RPS6KC1: variants seen among roughly 807,000 people sequenced by gnomAD.
RPS6KC1 encodes the protein inactive ribosomal protein S6 kinase delta-1.
Under a neutral mutation model 103.8 loss-of-function variants are expected in RPS6KC1, and 54 were observed. That is an observed-to-expected ratio of 0.52 (90% confidence interval 0.42 to 0.65). The LOEUF (loss-of-function observed/expected upper bound fraction) is 0.65, where lower values mean the gene tolerates loss of function less well. Among genes scored for constraint, RPS6KC1 ranks in the 30% least tolerant of loss-of-function variants. The probability of loss-of-function intolerance (pLI) is 0.00; values close to 1 mark genes in which losing one functional copy is unlikely to be tolerated. For synonymous variants in RPS6KC1, 439 were observed against 438.7 expected, an observed-to-expected ratio of 1.00 and a Z score of -0.01; for missense variants, 1,151 against 1,253.8, an observed-to-expected ratio of 0.92 and a Z score of 1.24.
At chr1:213,366,752 T>C in the RPS6KC1 span, among the ~76,000 whole-genome samples, 1 of 152,230 alleles carries the variant, frequency 6.6e-6, no homozygotes, top group Non-Finnish European at 1.5e-5. Flanking sequence ...TCTGGGAAAT[T>C]GTCCACCTTG....
intron 2 of RPS6KC1, chr1:213,072,977 G>A (rs1175125135): frequency 3.4e-6 from 3 of 871,164 alleles, no homozygotes; most frequent in Non-Finnish European, 4.1e-6. Flanking sequence ...CCATTCATCT[G>A]AAAACTCTTG....
the RPS6KC1 span, among the ~76,000 whole-genome samples, chr1:213,284,094 G>T: frequency 6.6e-6 from 1 of 151,984 alleles, no homozygotes; most frequent in Non-Finnish European, 1.5e-5. Context: ...TGAGCTGAAA[G>T]ATATTTTAAA....
chr1:213,698,897 G>A, the RPS6KC1 span, among the ~76,000 whole-genome samples: 12 of 151,344 alleles, frequency 7.9e-5, no homozygotes, highest in Non-Finnish European at 1.8e-4. Context: ...GTTTTCCCCA[G>A]TCTAGATAAT....
the RPS6KC1 span, among the ~76,000 whole-genome samples, chr1:213,644,101 G>A: frequency 2.4e-4 from 37 of 151,914 alleles, no homozygotes; most frequent in Non-Finnish European, 4.4e-4. Context: ...GTATTGATGT[G>A]GGATTTTCCC....
At chr1:213,803,091 CTT>C in the RPS6KC1 span, among the ~76,000 whole-genome samples, 1 of 152,084 alleles carries the variant, frequency 6.6e-6, no homozygotes. Flanking sequence ...AAATCAGAGT[CTT>C]AGTAATTGCC....
At chr1:213,254,544 G>A (rs1409426683) in intron 12 of RPS6KC1, among the ~76,000 whole-genome samples, 1 of 152,224 alleles carries the variant, frequency 6.6e-6, no homozygotes, top group Non-Finnish European at 1.5e-5. Flanking sequence ...AGGCTCATGA[G>A]TGCTTTTGAA....
intron 12 of RPS6KC1, among the ~76,000 whole-genome samples, chr1:213,249,140 C>T (rs1362740951): frequency 3.3e-5 from 5 of 151,990 alleles, no homozygotes; most frequent in East Asian, 3.8e-4. Context: ...TTTTATTTTT[C>T]GTATCTCAGT....
the RPS6KC1 span, among the ~76,000 whole-genome samples, chr1:213,706,694 C>A: frequency 6.6e-6 from 1 of 152,216 alleles, no homozygotes; most frequent in Admixed American, 6.5e-5. Flanking sequence ...GCTATTCCTC[C>A]CCTTGCCCCC....
the RPS6KC1 span, among the ~76,000 whole-genome samples, chr1:213,557,249 G>A: frequency 6.6e-6 from 1 of 152,180 alleles, no homozygotes; most frequent in African/African-American, 2.4e-5. Flanking sequence ...CCACTTTCTA[G>A]TGTATGCTCT....
chr1:213,565,711 T>C, the RPS6KC1 span, among the ~76,000 whole-genome samples: 3 of 152,312 alleles, frequency 2.0e-5, no homozygotes, highest in Non-Finnish European at 2.9e-5. Context: ...CACTTATTAT[T>C]TGTATATTTC....
At chr1:213,608,056 T>C in the RPS6KC1 span, among the ~76,000 whole-genome samples, 12 of 152,194 alleles carry the variant, frequency 7.9e-5, no homozygotes, top group African/African-American at 2.9e-4. Flanking sequence ...GCAGGACATG[T>C]TGCCTTTGGA....
At chr1:213,213,256 G>C (rs971106098) in intron 8 of RPS6KC1, among the ~76,000 whole-genome samples, 2 of 152,134 alleles carry the variant, frequency 1.3e-5, no homozygotes, top group African/African-American at 4.8e-5. Context: ...AAGGGTGTAA[G>C]GTCTGTTCTA....
At chr1:213,838,034 G>A in the RPS6KC1 span, among the ~76,000 whole-genome samples, 2 of 151,906 alleles carry the variant, frequency 1.3e-5, no homozygotes, top group East Asian at 1.9e-4. Context: ...AGCACCATTT[G>A]TACAAATGAC....
the RPS6KC1 span, among the ~76,000 whole-genome samples, chr1:213,450,865 C>A: frequency 2.0e-5 from 3 of 152,100 alleles, no homozygotes; most frequent in African/African-American, 7.2e-5. Context: ...ATTCCAGCTA[C>A]TGGTGAGGCT....
the RPS6KC1 span, among the ~76,000 whole-genome samples, chr1:213,299,551 C>CAAAAA: frequency 9.5e-6 from 1 of 105,244 alleles, no homozygotes; most frequent in Non-Finnish European, 1.8e-5. Context: ...GACTCCATCT[C>CAAAAA]AAAAAAAAAA....
At chr1:213,756,241 A>C in the RPS6KC1 span, among the ~76,000 whole-genome samples, 1 of 152,222 alleles carries the variant, frequency 6.6e-6, no homozygotes, top group Non-Finnish European at 1.5e-5. Context: ...AGAGCAAAAG[A>C]CCATGTGCCC....
the RPS6KC1 span, among the ~76,000 whole-genome samples, chr1:213,384,917 G>A: frequency 1.3e-5 from 2 of 152,296 alleles, no homozygotes; most frequent in Admixed American, 1.3e-4. Flanking sequence ...CTGGTGCAGG[G>A]ATTTTAAACC....
chr1:213,510,071 G>T, the RPS6KC1 span, among the ~76,000 whole-genome samples: 1 of 152,126 alleles, frequency 6.6e-6, no homozygotes, highest in Non-Finnish European at 1.5e-5. Context: ...CTACAATAGG[G>T]TGCTAATTCA....
At chr1:213,328,697 AG>A in the RPS6KC1 span, among the ~76,000 whole-genome samples, 7 of 151,526 alleles carry the variant, frequency 4.6e-5, no homozygotes, top group Non-Finnish European at 1.5e-5. Flanking sequence ...CATTCTAGAC[AG>A]TGGGGGTTAG....
Sources: allele counts gnomAD v4.1 joint callset (sites outside exome capture counted in the v4.1 genomes callset), GRCh38; gene constraint gnomAD v4.1.1; transcripts MANE v1.5; gene names NCBI Gene and HGNC (gene_info 2026-07-23, HGNC 2026-07-21).